The following SPRY3 variants were observed in gnomAD, a reference collection of about 807,000 sequenced individuals.
SPRY3 encodes the protein protein sprouty homolog 3.
Under a neutral mutation model 20.2 loss-of-function variants are expected in SPRY3, and 15 were observed. That is an observed-to-expected ratio of 0.74 (90% CI 0.50 to 1.14). The LOEUF (loss-of-function observed/expected upper bound fraction) is 1.14, where lower values mean the gene tolerates loss of function less well. SPRY3 is among the 50% of genes most tolerant of loss of function. The pLI is 0.00. For missense variants in SPRY3, 364 were observed against 363.9 expected, an observed-to-expected ratio of 1.00 and a Z score of 0.00; for synonymous variants, 143 against 136.5, an observed-to-expected ratio of 1.05 and a Z score of -0.33.
rs1265498453 is a variant in SPRY3 at position 155,774,249 on chromosome X, T to TG, written c.380dup (p.Ala128CysfsTer7). 2.5e-6 allele frequency: 4 copies of TG among 1,614,022 alleles called. No individual in the cohort carries two copies. Among genetic ancestry groups the TG allele is most frequent in the Non-Finnish European group, 3.4e-6 (4 of 1,179,882 alleles). ...GAGCAGGGGTCCACCCAAAGGCTGA[T>TG]GGTGCTCTGAAGGGAGAAGCTGAGC... On this transcript the variant is annotated frameshift_variant, in exon 4 of 4. Transcript: ENST00000675360. LOFTEE classifies it high-confidence loss of function.
chrX:155,731,689 G>A (rs2091133580), intron 2 of SPRY3, among the ~76,000 whole-genome samples: 1 of 151,954 alleles, frequency 6.6e-6, no homozygotes, highest in Non-Finnish European at 1.5e-5. Flanking sequence ...CTTCTGCACA[G>A]CAAAGGAAAC....
At chrX:155,751,973 T>A (rs868082191) in intron 2 of SPRY3, among the ~76,000 whole-genome samples, 1 of 90,158 alleles carries the variant, frequency 1.1e-5, no homozygotes, top group South Asian at 3.8e-4. Context: ...TAAAATAAAA[T>A]AAAATAAAAT....
rs1161641974 is a variant in SPRY3, at chrX:155,659,167, CAG to C, written c.-282+2145_-282+2146del. On this transcript the variant is annotated intron_variant, in intron 2 of 3. Coordinates refer to ENST00000675360, the Ensembl canonical transcript of SPRY3. ...TCTTTCTTTCTTTCTTTTTTTGAGACAGAGTCTCGCTCTGTCGCCCAGGCTGA... is the reference window on the plus strand; with the variant it reads ...TCTTTCTTTCTTTCTTTTTTTGAGACAGTCTCGCTCTGTCGCCCAGGCTGA... Among the ~76,000 whole-genome samples the C allele has an allele frequency of 1.1e-4, 9 of 82,163 alleles. No homozygotes were observed. The Admixed American group carries it at 1.3e-3, about 12-fold the overall frequency. 71.3% of individuals were successfully genotyped at this position (82,163 alleles called of 115,157 possible). A position where few individuals can be genotyped will look rare whatever the true frequency, so the allele number is the denominator to read the frequency against.
chrX:155,726,836 G>A (rs1274114670), intron 2 of SPRY3, among the ~76,000 whole-genome samples: 6 of 152,096 alleles, frequency 3.9e-5, no homozygotes, highest in Non-Finnish European at 8.8e-5. Flanking sequence ...GGTTAATATT[G>A]TTATGTGTGA....
At chrX:155,683,745 A>C (rs772775129) in intron 2 of SPRY3, among the ~76,000 whole-genome samples, 1 of 112,001 alleles carries the variant, frequency 8.9e-6, no homozygotes, top group Admixed American at 9.5e-5. Flanking sequence ...AGCCATTGGC[A>C]TATAGACAGT....
At chrX:155,740,831 C>T (rs751544144) in intron 2 of SPRY3, among the ~76,000 whole-genome samples, 1 of 152,006 alleles carries the variant, frequency 6.6e-6, no homozygotes, top group Non-Finnish European at 1.5e-5. Context: ...GTTCATACAC[C>T]CCCTCCCCTT....
intron 3 of SPRY3, among the ~76,000 whole-genome samples, chrX:155,770,651 T>TC (rs1569401602): frequency 1.3e-5 from 2 of 151,866 alleles, no homozygotes; most frequent in African/African-American, 4.8e-5. Flanking sequence ...TCTCTCTCTC[T>TC]CTCTCATTTG....
chrX:155,724,360 A>C (rs1045025562), intron 2 of SPRY3, among the ~76,000 whole-genome samples: 6 of 152,168 alleles, frequency 3.9e-5, no homozygotes, highest in Non-Finnish European at 8.8e-5. Context: ...CATTGAATCT[A>C]TAAATTACCT....
chrX:155,775,704 G>A (rs2091420993), exon 4 of SPRY3: 1 of 167,064 alleles, frequency 6.0e-6, no homozygotes, highest in Admixed American at 6.5e-5. Flanking sequence ...AGCATGCTGA[G>A]TAGGATAGTA....
intron 2 of SPRY3, among the ~76,000 whole-genome samples, chrX:155,748,194 A>C (rs2091238429): frequency 6.6e-6 from 1 of 151,848 alleles, no homozygotes; most frequent in South Asian, 2.1e-4. Context: ...GTGTATGTTA[A>C]ACATAAGATT....
At chrX:155,712,280 A>T (rs2090992191) in intron 2 of SPRY3, among the ~76,000 whole-genome samples, 1 of 151,920 alleles carries the variant, frequency 6.6e-6, no homozygotes, top group Non-Finnish European at 1.5e-5. Context: ...CCAATGCTTA[A>T]AGTGGGGTAT....
intron 1 of SPRY3, among the ~76,000 whole-genome samples, chrX:155,649,197 G>A (rs1419862640): frequency 3.6e-5 from 4 of 111,526 alleles, no homozygotes; most frequent in African/African-American, 1.3e-4. Flanking sequence ...GGTACAAAGA[G>A]GAACTGGTAC....
chrX:155,704,456 T>G (rs2090934772), intron 2 of SPRY3, among the ~76,000 whole-genome samples: 1 of 151,568 alleles, frequency 6.6e-6, no homozygotes, highest in Non-Finnish European at 1.5e-5. Context: ...GAAACAAAAA[T>G]TTAGACCAAT....
chrX:155,640,767 G>A (rs1466189787), intron 1 of SPRY3, among the ~76,000 whole-genome samples: 2 of 111,763 alleles, frequency 1.8e-5, no homozygotes, highest in Non-Finnish European at 3.8e-5. Context: ...ATTTTTGTAT[G>A]TTGATATTGT....
At chrX:155,767,100 A>C (rs1055692841) in intron 2 of SPRY3, among the ~76,000 whole-genome samples, 2 of 152,050 alleles carry the variant, frequency 1.3e-5, no homozygotes, top group Admixed American at 6.5e-5. Context: ...TGTTTCAGTC[A>C]TTACCCAGGG....
intron 1 of SPRY3, chrX:155,612,880 T>C (rs1375864807): frequency 9.0e-6 from 1 of 111,679 alleles, no homozygotes; most frequent in Non-Finnish European, 1.9e-5. Flanking sequence ...CACCCGCCTT[T>C]TGCCTTTTCA....
chrX:155,733,287 A>C, intron 2 of SPRY3, among the ~76,000 whole-genome samples: 2 of 151,192 alleles, frequency 1.3e-5, no homozygotes, highest in South Asian at 2.1e-4. Context: ...ATATACACAC[A>C]CACTATATAT....
intron 2 of SPRY3, among the ~76,000 whole-genome samples, chrX:155,759,867 A>G (rs2091297417): frequency 6.6e-6 from 1 of 152,196 alleles, no homozygotes; most frequent in Non-Finnish European, 1.5e-5. Context: ...AGTGCAGTAC[A>G]TGCTCTGACA....
intron 2 of SPRY3, among the ~76,000 whole-genome samples, chrX:155,755,552 T>C (rs761109249): frequency 6.6e-6 from 1 of 152,202 alleles, no homozygotes; most frequent in East Asian, 1.9e-4. Flanking sequence ...ATGTGGGTTA[T>C]TTTGGCACCT....
Sources: gnomAD v4.1 joint callset for allele counts (sites outside exome capture counted in the v4.1 genomes callset) on GRCh38, gnomAD v4.1.1 for gene constraint, MANE v1.5 for transcripts, NCBI Gene and HGNC (gene_info 2026-07-23, HGNC 2026-07-21) for gene names.